Variants in CYLC2 observed in about 807,000 individuals in gnomAD.
CYLC2 encodes the protein cylicin-2.
CYLC2 carries 30 observed loss-of-function variants against 26.1 expected under a neutral mutation model. The ratio of observed to expected loss-of-function variants is 1.15; its 90% CI spans 0.86 to 1.56. The LOEUF is 1.56. Among genes scored for constraint, CYLC2 ranks in the 40% most tolerant of loss-of-function variants. CYLC2 has a pLI of 0.00. For missense variants in CYLC2, 498 were observed against 394.4 expected, an observed-to-expected ratio of 1.26 and a Z score of -2.23; for synonymous variants, 158 against 132.8, an observed-to-expected ratio of 1.19 and a Z score of -1.31.
Position 103,005,197 on chromosome 9 carries a change from A to ACAAAAAAGAT in CYLC2, c.567_576dup (p.Lys193GlnfsTer4). 6.2e-7 allele frequency: 1 copy of ACAAAAAAGAT among 1,607,708 alleles called. No individual in the cohort carries two copies. Among genetic ancestry groups the ACAAAAAAGAT allele is most frequent in the South Asian group, 1.1e-5 (1 of 90,250 alleles). ...GAAAAAGGAGGTGCAAAGAAAGATAACAAAAAAGATAAAAAGGATTCAAAC... is the reference window on the plus strand; with the variant it reads ...GAAAAAGGAGGTGCAAAGAAAGATAACAAAAAAGATCAAAAAAGATAAAAAGGATTCAAAC... On this transcript the variant is annotated frameshift_variant, in exon 5 of 8. Transcript: ENST00000374798. LOFTEE classifies it high-confidence loss of function.
chr9:103,015,322 C>T (rs1194295589), intron 6 of CYLC2, among the ~76,000 whole-genome samples: 1 of 122,400 alleles, frequency 8.2e-6, no homozygotes, highest in Non-Finnish European at 1.6e-5. Flanking sequence ...TTATATATAA[C>T]ATATACAATA....
rs749026661 is a variant in CYLC2 at position 103,005,473 on chromosome 9, A to G, written c.842A>G (p.Asp281Gly). ...KKDKKKPSSTDSDSKDDVKKE... is the reference protein window; with the variant it reads ...KKDKKKPSSTGSDSKDDVKKE... Reference sequence around the variant, plus strand: ...GATAAGAAGAAGCCCAGTAGTACAGACAGTGACTCAAAGGATGATGTCAAG... The same window carrying G: ...GATAAGAAGAAGCCCAGTAGTACAGGCAGTGACTCAAAGGATGATGTCAAG... The change falls in exon 5 of 8, where the codon GAC becomes GGC. Residue 281 changes from aspartate (D) to glycine (G), a missense_variant. Transcript: ENST00000374798. The G allele has an allele frequency of 9.3e-6, 15 of 1,613,822 alleles. No individual in the cohort carries two copies. Among genetic ancestry groups the G allele is most frequent in the Non-Finnish European group, 1.2e-5 (14 of 1,179,940 alleles).
chr9:103,014,892 A>G (rs368360026), intron 6 of CYLC2, among the ~76,000 whole-genome samples: 17 of 137,952 alleles, frequency 1.2e-4, no homozygotes, highest in African/African-American at 3.4e-4. Flanking sequence ...ATATTATGTA[A>G]TATACATAAT....
At chr9:103,008,386 G>GA (rs979514459) in intron 5 of CYLC2, among the ~76,000 whole-genome samples, 1 of 151,664 alleles carries the variant, frequency 6.6e-6, no homozygotes, top group Non-Finnish European at 1.5e-5. Flanking sequence ...AAATAAAAAT[G>GA]AAAAAAATGG....
chr9:103,014,524 T>TGCAGTATACATCATATGTATATTAC (rs1829468354), intron 6 of CYLC2, among the ~76,000 whole-genome samples: 2 of 114,310 alleles, frequency 1.7e-5, no homozygotes, highest in African/African-American at 6.5e-5. Flanking sequence ...ACATAATATA[T>TGCAGTATACATCATATGTATATTAC]GCAATATACA....
At chr9:103,017,907 A>G (rs1829523555) in intron 7 of CYLC2, among the ~76,000 whole-genome samples, 1 of 150,412 alleles carries the variant, frequency 6.6e-6, no homozygotes, top group Non-Finnish European at 1.5e-5. Flanking sequence ...TCTGTGTTCT[A>G]ATCTCTTGTA....
chr9:102,995,898 G>T (rs1241996586), intron 1 of CYLC2, among the ~76,000 whole-genome samples: 1 of 151,826 alleles, frequency 6.6e-6, no homozygotes, highest in African/African-American at 2.4e-5. Context: ...AAAATATTGA[G>T]TATGTGGAAG....
chr9:103,002,937 A>T (rs1008128112), intron 2 of CYLC2, among the ~76,000 whole-genome samples: 5 of 152,182 alleles, frequency 3.3e-5, no homozygotes, highest in African/African-American at 1.2e-4. Flanking sequence ...TTATACAGTC[A>T]TCTGTAAAAC....
intron 1 of CYLC2, among the ~76,000 whole-genome samples, chr9:103,000,249 T>A (rs1829275677): frequency 6.6e-6 from 1 of 151,984 alleles, no homozygotes; most frequent in Non-Finnish European, 1.5e-5. Context: ...TTATATATTG[T>A]CTAGATAATT....
intron 5 of CYLC2, among the ~76,000 whole-genome samples, chr9:103,011,539 C>T (rs1829406933): frequency 6.6e-6 from 1 of 151,890 alleles, no homozygotes; most frequent in South Asian, 2.1e-4. Flanking sequence ...AAATGGGGTC[C>T]AAGTGAAGCT....
At chr9:102,995,902 G>C (rs887871622) in intron 1 of CYLC2, among the ~76,000 whole-genome samples, 10 of 151,846 alleles carry the variant, frequency 6.6e-5, no homozygotes, top group Non-Finnish European at 1.5e-5. Context: ...TATTGAGTAT[G>C]TGGAAGTACT....
intron 5 of CYLC2, among the ~76,000 whole-genome samples, chr9:103,009,710 A>G (rs1395204050): frequency 2.0e-5 from 3 of 151,822 alleles, no homozygotes; most frequent in Non-Finnish European, 4.4e-5. Context: ...CTCTCCTTCA[A>G]TTCCCCACTA....
intron 5 of CYLC2, among the ~76,000 whole-genome samples, chr9:103,007,974 G>C (rs1404777645): frequency 6.6e-6 from 1 of 150,870 alleles, no homozygotes; most frequent in Non-Finnish European, 1.5e-5. Context: ...GCCTGGGTCA[G>C]CTGTAATGGC....
chr9:103,005,657 T>C lies in CYLC2; in HGVS notation c.1026T>C (p.Asp342=), dbSNP rs1465205395. The change falls in exon 5 of 8, where the codon GAT becomes GAC. Residue 342 remains aspartate (D), a synonymous_variant. Coordinates refer to ENST00000374798, the MANE Select transcript of CYLC2 (RefSeq NM_001340.5). ...ATGCAAAGAAGGATGAAAAGAAGGA[T>C]GCAAAGAAGAAGGGCAAGTAGGCCT... ...KKNAKKDEKK[D]AKKKGK The C allele has an allele frequency of 2.5e-6, 4 of 1,608,180 alleles. No homozygotes were observed. Among genetic ancestry groups the C allele is most frequent in the Non-Finnish European group, 3.4e-6 (4 of 1,177,728 alleles).
chr9:103,000,928 T>C (rs1230892998), intron 1 of CYLC2, among the ~76,000 whole-genome samples: 2 of 151,856 alleles, frequency 1.3e-5, no homozygotes, highest in Admixed American at 1.3e-4. Flanking sequence ...GTTAAGATAG[T>C]AATAAAACAA....
chr9:103,007,256 A>G (rs939223842), intron 5 of CYLC2, among the ~76,000 whole-genome samples: 4 of 152,254 alleles, frequency 2.6e-5, no homozygotes, highest in Admixed American at 2.6e-4. Context: ...GAAGTCTGTC[A>G]TGAGGGAGAG....
Position 103,014,521 on chromosome 9 carries a change from A to ATATGCAATATACATCATATGTATAT in CYLC2, c.*817-2360_*817-2336dup, listed in dbSNP as rs1564101192. On this transcript the variant is annotated intron_variant, in intron 6 of 7. Transcript: ENST00000374798. The stretch of plus-strand genomic sequence containing the variant: ...ACATAATATATGTAATATACATAAT[A>ATATGCAATATACATCATATGTATAT]TATGCAATATACATCATATGTATAT... Among the ~76,000 whole-genome samples the ATATGCAATATACATCATATGTATAT allele has an allele frequency of 4.0e-3, 460 of 114,546 alleles. 31 individuals carry two copies. Among genetic ancestry groups the ATATGCAATATACATCATATGTATAT allele is most frequent in the African/African-American group, 0.014 (433 of 31,264 alleles). The allele number at this position is 114,546 out of a possible 152,430, so 75.1% of individuals were successfully genotyped here.
chr9:103,015,281 T>C (rs1454866236), intron 6 of CYLC2, among the ~76,000 whole-genome samples: 1 of 120,592 alleles, frequency 8.3e-6, no homozygotes, highest in East Asian at 2.3e-4. Flanking sequence ...ATTTATATAT[T>C]ATATAATATA....
At chr9:103,004,398 G>A (rs1018040248) in intron 3 of CYLC2, among the ~76,000 whole-genome samples, 2 of 151,970 alleles carry the variant, frequency 1.3e-5, no homozygotes, top group Non-Finnish European at 2.9e-5. Flanking sequence ...AGTTTAAAAA[G>A]CCTCCTATGA....
Sources: allele counts gnomAD v4.1 joint callset (sites outside exome capture counted in the v4.1 genomes callset), GRCh38; gene constraint gnomAD v4.1.1; transcripts MANE v1.5; gene names NCBI Gene and HGNC (gene_info 2026-07-23, HGNC 2026-07-21).